LGR6: variants seen among roughly 807,000 people sequenced by gnomAD.
LGR6 encodes the protein leucine rich repeat containing G protein-coupled receptor 6.
Under a neutral mutation model 69.4 loss-of-function variants are expected in LGR6, and 45 were observed. The ratio of observed to expected loss-of-function variants is 0.65; its 90% CI spans 0.51 to 0.83. The LOEUF (loss-of-function observed/expected upper bound fraction) is 0.83, where lower values mean the gene tolerates loss of function less well. Ranked by LOEUF, LGR6 falls within the 40% of genes least tolerant of loss-of-function variation. The probability of loss-of-function intolerance (pLI) is 0.00; values close to 1 mark genes in which losing one functional copy is unlikely to be tolerated. For missense variants in LGR6, 1,108 were observed against 1,246.7 expected (o/e 0.89, Z 1.68); for synonymous variants, 538 against 555.0 (o/e 0.97, Z 0.43).
rs773883456 is a variant in LGR6, at chr1:202,233,350, GCC to G, written c.357-2569_357-2568del. 3.9e-5 allele frequency among the ~76,000 whole-genome samples: 6 copies of G among 152,266 alleles called. No individual in the cohort carries two copies. The East Asian group carries it at 9.7e-4, about 25-fold the overall frequency. ...GCAGTGACCAGATGTAGCCTCCTGG[GCC>G]CCTGGAGGGGTGGGGCCTGTGAAGA... On this transcript the variant is annotated intron_variant, in intron 3 of 17. Transcript: ENST00000367278.
chr1:202,285,509 A>G (rs976238904), intron 6 of LGR6, among the ~76,000 whole-genome samples: 6 of 152,244 alleles, frequency 3.9e-5, no homozygotes, highest in African/African-American at 1.4e-4. Flanking sequence ...AATGGGGATA[A>G]TAGTTTTCAA....
chr1:202,222,297 G>A (rs1571835056), intron 1 of LGR6, among the ~76,000 whole-genome samples: 1 of 152,266 alleles, frequency 6.6e-6, no homozygotes, highest in African/African-American at 2.4e-5. Flanking sequence ...ACTGAGCACT[G>A]CAGCTGGGCT....
chr1:202,195,393 G>C (rs1234671657), intron 1 of LGR6, among the ~76,000 whole-genome samples: 3 of 152,174 alleles, frequency 2.0e-5, no homozygotes, highest in South Asian at 4.1e-4. Flanking sequence ...ACTCTTCATG[G>C]GGCTCCTCTC....
chr1:202,305,406 CTT>C (rs1284706666), intron 11 of LGR6, among the ~76,000 whole-genome samples: 2 of 152,178 alleles, frequency 1.3e-5, no homozygotes, highest in Admixed American at 6.5e-5. Flanking sequence ...CTCCCTGACT[CTT>C]TGCCTGTTTC....
intron 5 of LGR6, among the ~76,000 whole-genome samples, chr1:202,278,023 C>T (rs188095403): frequency 1.2e-3 from 184 of 152,168 alleles, no homozygotes; most frequent in African/African-American, 4.3e-3. Flanking sequence ...GGAGAAGAAG[C>T]TGGAAAGGTG....
At chr1:202,210,323 C>T (rs1027906264) in intron 1 of LGR6, among the ~76,000 whole-genome samples, 5 of 151,788 alleles carry the variant, frequency 3.3e-5, no homozygotes, top group South Asian at 4.2e-4. Context: ...GGCCCAAGCC[C>T]TCTGCACATG....
chr1:202,231,820 C>T (rs761367785), intron 3 of LGR6, among the ~76,000 whole-genome samples: 2 of 152,070 alleles, frequency 1.3e-5, no homozygotes, highest in South Asian at 2.1e-4. Context: ...GGGCTGGGTG[C>T]GGTGGCTCAT....
chr1:202,194,170 C>G lies in LGR6; in HGVS notation c.181C>G (p.Pro61Ala). The G allele has an allele frequency of 6.4e-7, 1 of 1,569,696 alleles. No homozygotes were observed. Among genetic ancestry groups the G allele is most frequent in the Non-Finnish European group, 8.6e-7 (1 of 1,166,706 alleles). The change falls in exon 1 of 18, where the codon CCG becomes GCG. Residue 61 changes from proline (P) to alanine (A), a missense_variant. Coordinates refer to ENST00000367278, the MANE Select transcript of LGR6 (RefSeq NM_001017403.2). ...DCSELGLSAVPGDLDPLTAYL... is the reference protein window; with the variant it reads ...DCSELGLSAVAGDLDPLTAYL... ...CTCTGAGCTCGGGCTGTCCGCCGTT[C>G]CGGGGGACCTGGACCCCCTGACGGC... is the stretch of plus-strand genomic sequence containing the variant.
intron 1 of LGR6, among the ~76,000 whole-genome samples, chr1:202,219,865 ATTTAT>A (rs1253161879): frequency 6.6e-6 from 1 of 152,014 alleles, no homozygotes; most frequent in African/African-American, 2.4e-5. Context: ...ACTGGGTTTT[ATTTAT>A]TTATTTATTT....
intron 6 of LGR6, among the ~76,000 whole-genome samples, chr1:202,284,270 G>T (rs1291405769): frequency 1.3e-5 from 2 of 152,186 alleles, no homozygotes; most frequent in Non-Finnish European, 2.9e-5. Flanking sequence ...GAAGCAGACA[G>T]GTCATGCTCC....
chr1:202,267,602 T>C (rs1180083979), intron 4 of LGR6, among the ~76,000 whole-genome samples: 1 of 152,152 alleles, frequency 6.6e-6, no homozygotes, highest in Non-Finnish European at 1.5e-5. Context: ...CTTTTCTGCA[T>C]GCAAGATGGG....
chr1:202,262,381 C>T (rs900335509), intron 4 of LGR6, among the ~76,000 whole-genome samples: 6 of 152,160 alleles, frequency 3.9e-5, no homozygotes, highest in East Asian at 1.9e-4. Context: ...TCAGGTTTGT[C>T]AAAGATCAGA....
rs1654480414 is a variant in LGR6, at chr1:202,319,747, A to T, written c.*540A>T. 6.5e-6 allele frequency: 1 copy of T among 153,168 alleles called. No homozygotes were observed. Among genetic ancestry groups the T allele is most frequent in the Non-Finnish European group, 1.5e-5 (1 of 68,718 alleles). 9.5% of individuals were successfully genotyped at this position (153,168 alleles called of 1,614,324 possible). A position where few individuals can be genotyped will look rare whatever the true frequency, so the allele number is the denominator to read the frequency against. ...CAGTGCATGTTAGTGTAATAAAGAG[A>T]TAAGTCCTACAGTAGTAAAATCTAT... On this transcript the variant is annotated 3_prime_UTR_variant, in exon 18 of 18. Transcript: ENST00000367278.
At chr1:202,285,555 G>A (rs745578503) in intron 6 of LGR6, among the ~76,000 whole-genome samples, 2 of 152,224 alleles carry the variant, frequency 1.3e-5, no homozygotes, top group East Asian at 1.9e-4. Flanking sequence ...CATTAAATGA[G>A]ATGACTTCAC....
chr1:202,261,048 A>G (rs983034346), intron 4 of LGR6, among the ~76,000 whole-genome samples: 1 of 152,068 alleles, frequency 6.6e-6, no homozygotes, highest in African/African-American at 2.4e-5. Context: ...TCTTAAATCT[A>G]CACTATTCTT....
chr1:202,227,807 C>T (rs1008756084), intron 2 of LGR6, 129 bp from the exon 3 acceptor site: 17 of 676,560 alleles, frequency 2.5e-5, no homozygotes, highest in East Asian at 1.9e-4. Context: ...TTAAACGCAT[C>T]GTAGATTTCA....
intron 1 of LGR6, among the ~76,000 whole-genome samples, chr1:202,222,252 G>A (rs559517000): frequency 7.2e-5 from 11 of 152,316 alleles, no homozygotes; most frequent in Admixed American, 6.5e-4. Context: ...CTGAACAGTT[G>A]AAATTCACCC....
At chr1:202,266,895 C>T (rs1206163499) in intron 4 of LGR6, among the ~76,000 whole-genome samples, 3 of 120,454 alleles carry the variant, frequency 2.5e-5, no homozygotes, top group Non-Finnish European at 3.8e-5. Context: ...TCCTCTCTCT[C>T]TAACGCGCGC....
intron 3 of LGR6, among the ~76,000 whole-genome samples, chr1:202,232,291 C>T (rs944397136): frequency 6.6e-6 from 1 of 152,018 alleles, no homozygotes; most frequent in African/African-American, 2.4e-5. Flanking sequence ...CTCTTTTATA[C>T]TTTTTGGATG....
Sources: gnomAD v4.1 joint callset for allele counts (sites outside exome capture counted in the v4.1 genomes callset) on GRCh38, gnomAD v4.1.1 for gene constraint, MANE v1.5 for transcripts, NCBI Gene and HGNC (gene_info 2026-07-23, HGNC 2026-07-21) for gene names.